The following PDE1A variants were observed in gnomAD, a reference collection of about 807,000 sequenced individuals.
PDE1A encodes dual specificity calcium/calmodulin-dependent 3',5'-cyclic nucleotide phosphodiesterase 1A.
Under a neutral mutation model 61.7 loss-of-function variants are expected in PDE1A, and 35 were observed. The ratio of observed to expected loss-of-function variants is 0.57; its 90% CI spans 0.43 to 0.75. The LOEUF (loss-of-function observed/expected upper bound fraction) is 0.75. Among genes scored for constraint, PDE1A ranks in the 30% least tolerant of loss-of-function variants. The probability of loss-of-function intolerance (pLI) is 0.00; values close to 1 mark genes in which losing one functional copy is unlikely to be tolerated. For missense variants in PDE1A, 597 were observed against 630.6 expected (o/e 0.95, Z 0.57); for synonymous variants, 232 against 213.2 (o/e 1.09, Z -0.77).
chr2:182,668,447 C>CAA, the PDE1A span, among the ~76,000 whole-genome samples: 1 of 149,708 alleles, frequency 6.7e-6, no homozygotes, highest in African/African-American at 2.5e-5. Flanking sequence ...GAAAAAAAGG[C>CAA]AAAAAAAACC....
At chr2:182,493,092 A>AC (rs1688493320) in intron 2 of PDE1A, among the ~76,000 whole-genome samples, 1 of 152,178 alleles carries the variant, frequency 6.6e-6, no homozygotes, top group Non-Finnish European at 1.5e-5. Flanking sequence ...CAGCTGTAAG[A>AC]CCCCAAACAA....
intron 2 of PDE1A, among the ~76,000 whole-genome samples, chr2:182,468,171 T>C (rs1315491352): frequency 6.6e-6 from 1 of 151,964 alleles, no homozygotes; most frequent in African/African-American, 2.4e-5. Flanking sequence ...GCTGCATCAA[T>C]GGACTCCTCT....
intron 4 of PDE1A, among the ~76,000 whole-genome samples, chr2:182,232,128 G>A (rs1343158463): frequency 1.3e-5 from 2 of 152,080 alleles, no homozygotes; most frequent in African/African-American, 4.8e-5. Flanking sequence ...AGTAATACTC[G>A]CATTTCATGC....
chr2:182,257,019 C>A (rs1691869472), intron 2 of PDE1A, among the ~76,000 whole-genome samples: 1 of 152,178 alleles, frequency 6.6e-6, no homozygotes, highest in Non-Finnish European at 1.5e-5. Flanking sequence ...AGGAATCTCC[C>A]AACTCATCCA....
At chr2:182,679,966 A>AT in the PDE1A span, among the ~76,000 whole-genome samples, 3 of 152,238 alleles carry the variant, frequency 2.0e-5, no homozygotes, top group Non-Finnish European at 2.9e-5. Flanking sequence ...AGCCTCAAAA[A>AT]TTAAAATAAT....
At chr2:182,303,353 ATC>A (rs1417436166) in intron 1 of PDE1A, among the ~76,000 whole-genome samples, 2 of 152,180 alleles carry the variant, frequency 1.3e-5, no homozygotes, top group African/African-American at 4.8e-5. Flanking sequence ...AATTGTATAC[ATC>A]TCCATTAGAG....
the PDE1A span, among the ~76,000 whole-genome samples, chr2:182,703,313 G>A: frequency 3.9e-5 from 6 of 151,948 alleles, no homozygotes; most frequent in Non-Finnish European, 5.9e-5. Flanking sequence ...ATTAATTTTC[G>A]CAGCTGTTGA....
At chr2:182,460,451 C>T (rs1472082674) in intron 2 of PDE1A, among the ~76,000 whole-genome samples, 1 of 152,148 alleles carries the variant, frequency 6.6e-6, no homozygotes, top group African/African-American at 2.4e-5. Flanking sequence ...GTTTCCCAGG[C>T]TTGCCTCTAA....
At chr2:182,152,412 C>CTTT (rs559392112) in intron 13 of PDE1A, among the ~76,000 whole-genome samples, 253 of 75,248 alleles carry the variant, frequency 3.4e-3, no homozygotes, top group Middle Eastern at 0.011. Context: ...TTTTTTTCCT[C>CTTT]TTTTTTTTTT....
intron 1 of PDE1A, among the ~76,000 whole-genome samples, chr2:182,379,372 A>G (rs966394277): frequency 5.3e-5 from 8 of 152,246 alleles, no homozygotes; most frequent in Non-Finnish European, 1.0e-4. Context: ...CTTTCAAATG[A>G]AACTGTGTGA....
At chr2:182,323,916 A>G (rs1696874588) in intron 1 of PDE1A, among the ~76,000 whole-genome samples, 1 of 152,148 alleles carries the variant, frequency 6.6e-6, no homozygotes. Flanking sequence ...CTGACATTGC[A>G]GTAGGGCTGT....
chr2:182,222,554 T>C (rs1688815957), intron 7 of PDE1A, among the ~76,000 whole-genome samples: 1 of 152,010 alleles, frequency 6.6e-6, no homozygotes, highest in African/African-American at 2.4e-5. Flanking sequence ...ACTTAGTTAA[T>C]AACAATGTAT....
intron 1 of PDE1A, among the ~76,000 whole-genome samples, chr2:182,272,056 G>A (rs998569410): frequency 6.6e-6 from 1 of 152,030 alleles, no homozygotes. Flanking sequence ...CCCAGGAAGT[G>A]GGCAAAAAGA....
the PDE1A span, among the ~76,000 whole-genome samples, chr2:182,534,572 G>A: frequency 6.6e-6 from 1 of 150,820 alleles, no homozygotes; most frequent in Non-Finnish European, 1.5e-5. Context: ...TGTATTTTTT[G>A]AATTTTTGTA....
chr2:182,232,047 T>C (rs2623437), intron 4 of PDE1A, among the ~76,000 whole-genome samples: 108,468 of 152,144 alleles, frequency 0.71, 39,130 homozygotes, highest in African/African-American at 0.83. Context: ...CTTTGGCTGA[T>C]TTACTAATAC....
the PDE1A span, among the ~76,000 whole-genome samples, chr2:182,551,757 G>T: frequency 6.6e-6 from 1 of 152,116 alleles, no homozygotes; most frequent in Non-Finnish European, 1.5e-5. Context: ...AGGCTGAAAT[G>T]GTGGCAAGCC....
intron 11 of PDE1A, 25 bp downstream of exon 11, chr2:182,188,954 C>T (rs759365072): frequency 9.2e-6 from 14 of 1,524,102 alleles, no homozygotes; most frequent in Middle Eastern, 3.4e-4. Flanking sequence ...ACTCACTTTC[C>T]ACCACCACAA....
the PDE1A span, among the ~76,000 whole-genome samples, chr2:182,621,545 A>G: frequency 6.6e-6 from 1 of 151,520 alleles, no homozygotes; most frequent in Non-Finnish European, 1.5e-5. Context: ...GTTCTATAAC[A>G]TCAATTGTTT....
intron 2 of PDE1A, among the ~76,000 whole-genome samples, chr2:182,256,246 C>T (rs1387801515): frequency 7.8e-6 from 1 of 128,198 alleles, no homozygotes; most frequent in Non-Finnish European, 1.6e-5. Context: ...TCCCCCAACC[C>T]CACCACAGTC....
Sources: gnomAD v4.1 joint callset for allele counts (sites outside exome capture counted in the v4.1 genomes callset) on GRCh38, gnomAD v4.1.1 for gene constraint, MANE v1.5 for transcripts, NCBI Gene and HGNC (gene_info 2026-07-23, HGNC 2026-07-21) for gene names.